SORCS3: variants seen among roughly 807,000 people sequenced by gnomAD.
SORCS3 encodes VPS10 domain-containing receptor SorCS3.
In SORCS3, 57 loss-of-function variants were observed where a neutral mutation model predicts 146.3. The observed-to-expected ratio is 0.39, with a 90% CI of 0.31 to 0.49. The LOEUF is 0.49. Ranked by LOEUF, SORCS3 falls within the 20% of genes least tolerant of loss-of-function variation. The pLI is 0.92. For missense variants in SORCS3, 1,341 were observed against 1,575.5 expected (o/e 0.85, Z 2.52); for synonymous variants, 653 against 618.5 (o/e 1.06, Z -0.83).
At position 105,081,053 on chromosome 10, in the gene SORCS3, A is replaced by G. The variant is rs142536412; in HGVS notation, c.1029-8722A>G. On this transcript the variant is annotated intron_variant, in intron 5 of 26. Coordinates refer to ENST00000369701, the MANE Select transcript of SORCS3 (RefSeq NM_014978.3). ...GACTTAATCATTCTACAGCATATAC[A>G]TACAGTATATCAAAACTTCACATTG... Among the ~76,000 whole-genome samples, 1,012 of 152,350 alleles carry G rather than the reference A, an allele frequency of 6.6e-3. 13 individuals carry two copies. The highest frequency in any genetic ancestry group is 0.022 in the African/African-American group (934 of 41,584).
At chr10:104,910,651 C>G (rs565964101) in intron 2 of SORCS3, among the ~76,000 whole-genome samples, 1 of 152,232 alleles carries the variant, frequency 6.6e-6, no homozygotes, top group African/African-American at 2.4e-5. Context: ...TTTATGCACA[C>G]AAACACTTGT....
rs976668622 is a variant in SORCS3, at chr10:105,088,088, G to A, written c.1029-1687G>A. Among the ~76,000 whole-genome samples, 3 of 152,210 alleles carry A rather than the reference G, an allele frequency of 2.0e-5. No individual in the cohort carries two copies. The South Asian group carries it at 6.2e-4, about 32-fold the overall frequency. On this transcript the variant is annotated intron_variant, in intron 5 of 26. Coordinates refer to ENST00000369701, the MANE Select transcript of SORCS3 (RefSeq NM_014978.3). ...CCAGTGAGCTTGGAAAGAGGAATGA[G>A]AGTTCACTAGGGAAGGAGAGGGGCA...
At chr10:105,083,398 T>C (rs2055638451) in intron 5 of SORCS3, among the ~76,000 whole-genome samples, 1 of 152,148 alleles carries the variant, frequency 6.6e-6, no homozygotes, top group African/African-American at 2.4e-5. Flanking sequence ...TGGTCTATCC[T>C]GGCCTAAATT....
intron 2 of SORCS3, among the ~76,000 whole-genome samples, chr10:104,861,774 C>G (rs2018406358): frequency 6.6e-6 from 1 of 152,192 alleles, no homozygotes; most frequent in Non-Finnish European, 1.5e-5. Context: ...CGCAGTAACA[C>G]TGGGTGCTTC....
intron 1 of SORCS3, among the ~76,000 whole-genome samples, chr10:104,804,688 G>C (rs1157513710): frequency 2.6e-5 from 4 of 152,198 alleles, no homozygotes. Flanking sequence ...TATTTTGAAA[G>C]TTGATATTCA....
chr10:104,907,450 A>C (rs765844988), intron 2 of SORCS3, among the ~76,000 whole-genome samples: 2 of 152,354 alleles, frequency 1.3e-5, no homozygotes, highest in Non-Finnish European at 2.9e-5. Flanking sequence ...AGGAAAAGAA[A>C]GAAACTGAAG....
At chr10:104,728,055 CT>C (rs2016662251) in intron 1 of SORCS3, among the ~76,000 whole-genome samples, 1 of 150,508 alleles carries the variant, frequency 6.6e-6, no homozygotes, top group Non-Finnish European at 1.5e-5. Context: ...ATCTATCTAT[CT>C]ATCTATCTAT....
chr10:104,913,684 A>G (rs2018993583), intron 2 of SORCS3, among the ~76,000 whole-genome samples: 1 of 151,198 alleles, frequency 6.6e-6, no homozygotes, highest in African/African-American at 2.4e-5. Flanking sequence ...ATTTTAGTAT[A>G]CCTGCATTCT....
intron 1 of SORCS3, among the ~76,000 whole-genome samples, chr10:104,827,089 A>G (rs2017945105): frequency 6.6e-6 from 1 of 152,198 alleles, no homozygotes; most frequent in Admixed American, 6.5e-5. Flanking sequence ...TGTCCACTGA[A>G]GTCTTAAACC....
At chr10:104,673,390 T>TA (rs1054709727) in intron 1 of SORCS3, among the ~76,000 whole-genome samples, 1 of 151,832 alleles carries the variant, frequency 6.6e-6, no homozygotes, top group Non-Finnish European at 1.5e-5. Context: ...TTTTTTGTAG[T>TA]AAAAAAATGT....
At chr10:104,919,489 G>A (rs549534011) in intron 3 of SORCS3, among the ~76,000 whole-genome samples, 20 of 152,066 alleles carry the variant, frequency 1.3e-4, no homozygotes, top group African/African-American at 3.9e-4. Context: ...TCGGGAGTTC[G>A]AGACCAGCCT....
At chr10:105,180,770 T>C (rs984134372) in intron 14 of SORCS3, among the ~76,000 whole-genome samples, 8 of 152,236 alleles carry the variant, frequency 5.3e-5, no homozygotes, top group African/African-American at 1.9e-4. Context: ...CCAGGTTCTT[T>C]GTATCTGCCA....
chr10:104,761,809 C>G (rs2017125253), intron 1 of SORCS3, among the ~76,000 whole-genome samples: 2 of 152,118 alleles, frequency 1.3e-5, no homozygotes, highest in Non-Finnish European at 2.9e-5. Flanking sequence ...TGACATGATA[C>G]AAAGTCAGGA....
chr10:104,821,506 A>G (rs761050750), intron 1 of SORCS3, among the ~76,000 whole-genome samples: 2 of 152,208 alleles, frequency 1.3e-5, no homozygotes, highest in Non-Finnish European at 2.9e-5. Flanking sequence ...GCCCAGAGCA[A>G]CTAAATAGGC....
chr10:105,240,285 A>G (rs1002205476), intron 20 of SORCS3, among the ~76,000 whole-genome samples: 1 of 152,236 alleles, frequency 6.6e-6, no homozygotes, highest in Non-Finnish European at 1.5e-5. Flanking sequence ...AGAGAGGGCC[A>G]TGTATGCTAC....
chr10:104,972,778 T>G (rs975999794), intron 3 of SORCS3, among the ~76,000 whole-genome samples: 27 of 152,302 alleles, frequency 1.8e-4, no homozygotes, highest in Non-Finnish European at 3.2e-4. Flanking sequence ...GTGCCAGTTT[T>G]CAAAGGGAAT....
intron 3 of SORCS3, among the ~76,000 whole-genome samples, chr10:104,930,524 C>T (rs978034048): frequency 6.6e-6 from 1 of 152,090 alleles, no homozygotes; most frequent in Non-Finnish European, 1.5e-5. Context: ...TATTCCCTGC[C>T]GAGAGAAGAA....
chr10:105,130,163 C>CTG (rs10679705), intron 7 of SORCS3, among the ~76,000 whole-genome samples: 77,219 of 151,786 alleles, frequency 0.51, 19,910 homozygotes, highest in Admixed American at 0.55. Flanking sequence ...GTACTAATAT[C>CTG]TGTTTTCCAT....
chr10:104,898,094 T>A (rs1354531931), intron 2 of SORCS3, among the ~76,000 whole-genome samples: 2 of 152,200 alleles, frequency 1.3e-5, no homozygotes, highest in Admixed American at 6.5e-5. Flanking sequence ...CAGTGTGGTA[T>A]CTGAAGAACG....
Sources: allele counts gnomAD v4.1 joint callset (sites outside exome capture counted in the v4.1 genomes callset), GRCh38; gene constraint gnomAD v4.1.1; transcripts MANE v1.5; gene names NCBI Gene and HGNC (gene_info 2026-07-23, HGNC 2026-07-21).